Variants in SLC25A21 observed in about 807,000 individuals in gnomAD.
The protein encoded by SLC25A21 is mitochondrial 2-oxodicarboxylate carrier.
SLC25A21 carries 47 observed loss-of-function variants against 43.8 expected under a neutral mutation model. The ratio of observed to expected loss-of-function variants is 1.07; its 90% confidence interval spans 0.85 to 1.37. SLC25A21 has a LOEUF of 1.37. SLC25A21 is among the 40% of genes most tolerant of loss of function. SLC25A21 has a pLI of 0.00. For missense variants in SLC25A21, 352 were observed against 350.2 expected (o/e 1.00, Z -0.04); for synonymous variants, 131 against 121.3 (o/e 1.08, Z -0.52).
At chr14:37,147,457 A>G (rs1006751226) in intron 1 of SLC25A21, among the ~76,000 whole-genome samples, 1 of 152,008 alleles carries the variant, frequency 6.6e-6, no homozygotes, top group Non-Finnish European at 1.5e-5. Context: ...GTCAACGAGA[A>G]GCCACCACAC....
At chr14:36,739,134 T>C (rs1885154270) in intron 3 of SLC25A21, among the ~76,000 whole-genome samples, 1 of 152,220 alleles carries the variant, frequency 6.6e-6, no homozygotes, top group Non-Finnish European at 1.5e-5. Flanking sequence ...CAATACCTTA[T>C]CATTTCTTAT....
At chr14:36,785,323 CT>C (rs1302661121) in intron 3 of SLC25A21, among the ~76,000 whole-genome samples, 2 of 152,236 alleles carry the variant, frequency 1.3e-5, no homozygotes, top group African/African-American at 4.8e-5. Flanking sequence ...ACCAAACCAA[CT>C]AGCAAACAAA....
chr14:37,081,773 A>G (rs1245094426), intron 1 of SLC25A21, among the ~76,000 whole-genome samples: 3 of 152,230 alleles, frequency 2.0e-5, no homozygotes, highest in Non-Finnish European at 4.4e-5. Flanking sequence ...AGATGCTGCA[A>G]TAAAGACAAA....
At chr14:37,142,679 G>C (rs537244926) in intron 1 of SLC25A21, among the ~76,000 whole-genome samples, 2 of 152,308 alleles carry the variant, frequency 1.3e-5, no homozygotes, top group African/African-American at 4.8e-5. Flanking sequence ...GCAAGTCATA[G>C]TGTTCATGAA....
chr14:36,686,874 T>C (rs994965542), intron 7 of SLC25A21, among the ~76,000 whole-genome samples: 1 of 152,196 alleles, frequency 6.6e-6, no homozygotes, highest in African/African-American at 2.4e-5. Flanking sequence ...GCTTGAGACA[T>C]GGCATTGGAA....
At chr14:36,801,541 G>A (rs550441741) in intron 3 of SLC25A21, among the ~76,000 whole-genome samples, 1 of 152,260 alleles carries the variant, frequency 6.6e-6, no homozygotes, top group East Asian at 1.9e-4. Flanking sequence ...CTCAGGTCTT[G>A]TAGCCTCTCA....
intron 1 of SLC25A21, among the ~76,000 whole-genome samples, chr14:36,887,352 C>G (rs1266840231): frequency 6.6e-6 from 1 of 151,852 alleles, no homozygotes; most frequent in Non-Finnish European, 1.5e-5. Flanking sequence ...CATGGGAGCT[C>G]AGGAGTTTGA....
At chr14:36,924,785 T>C (rs1191678921) in intron 1 of SLC25A21, among the ~76,000 whole-genome samples, 1 of 152,214 alleles carries the variant, frequency 6.6e-6, no homozygotes, top group Admixed American at 6.5e-5. Flanking sequence ...TTACACTATT[T>C]ATATAGCATT....
intron 3 of SLC25A21, among the ~76,000 whole-genome samples, chr14:36,768,593 G>A (rs546644197): frequency 6.6e-6 from 1 of 152,218 alleles, no homozygotes; most frequent in African/African-American, 2.4e-5. Flanking sequence ...ATTGCTTTCA[G>A]CTGACTGAAA....
intron 1 of SLC25A21, among the ~76,000 whole-genome samples, chr14:36,998,244 TGTG>T (rs1960414090): frequency 6.6e-6 from 1 of 152,204 alleles, no homozygotes; most frequent in African/African-American, 2.4e-5. Flanking sequence ...GGATATAGAA[TGTG>T]GTGTTTCTTA....
chr14:36,887,328 C>T (rs200174316), intron 1 of SLC25A21, among the ~76,000 whole-genome samples: 4 of 151,546 alleles, frequency 2.6e-5, no homozygotes, highest in East Asian at 3.9e-4. Context: ...CTTGGGAGGC[C>T]GAGATGGGCA....
chr14:36,698,778 G>T (rs1883150677), intron 7 of SLC25A21, among the ~76,000 whole-genome samples: 1 of 152,026 alleles, frequency 6.6e-6, no homozygotes, highest in Non-Finnish European at 1.5e-5. Context: ...GTCATTTAAG[G>T]TCTTCTCTAC....
chr14:36,970,932 A>C (rs1054007953), intron 1 of SLC25A21, among the ~76,000 whole-genome samples: 1 of 152,180 alleles, frequency 6.6e-6, no homozygotes, highest in African/African-American at 2.4e-5. Flanking sequence ...ACATTTATAG[A>C]GTCTATGTTT....
intron 2 of SLC25A21, among the ~76,000 whole-genome samples, chr14:36,872,870 G>C (rs1326517482): frequency 6.6e-6 from 1 of 152,180 alleles, no homozygotes; most frequent in Non-Finnish European, 1.5e-5. Context: ...AGCTTTTGAA[G>C]TTCATTGTGA....
intron 1 of SLC25A21, among the ~76,000 whole-genome samples, chr14:37,169,219 T>C (rs1489465292): frequency 6.6e-6 from 1 of 152,132 alleles, no homozygotes; most frequent in Non-Finnish European, 1.5e-5. Context: ...TTTTGCTGTC[T>C]GTATAACTAA....
At chr14:37,163,816 C>CA (rs1202891694) in intron 1 of SLC25A21, among the ~76,000 whole-genome samples, 4 of 152,148 alleles carry the variant, frequency 2.6e-5, no homozygotes, top group Non-Finnish European at 4.4e-5. Flanking sequence ...ATCATTTATA[C>CA]AGTATTGTTG....
At chr14:37,067,168 T>G (rs1453225587) in intron 1 of SLC25A21, among the ~76,000 whole-genome samples, 1 of 152,146 alleles carries the variant, frequency 6.6e-6, no homozygotes, top group African/African-American at 2.4e-5. Context: ...TAACCATTTT[T>G]TAGAACTACT....
intron 3 of SLC25A21, among the ~76,000 whole-genome samples, chr14:36,774,781 T>C (rs150456155): frequency 1.8e-3 from 273 of 152,206 alleles, no homozygotes; most frequent in Non-Finnish European, 2.4e-3. Flanking sequence ...GCTCAGGCTG[T>C]AGAGACTCTT....
chr14:36,769,986 C>T (rs563020246), intron 3 of SLC25A21, among the ~76,000 whole-genome samples: 9 of 152,258 alleles, frequency 5.9e-5, no homozygotes, highest in East Asian at 1.9e-4. Context: ...TCTTTGAGAG[C>T]GGCAGCCACA....
Sources: gnomAD v4.1 joint callset for allele counts (sites outside exome capture counted in the v4.1 genomes callset) on GRCh38, gnomAD v4.1.1 for gene constraint, MANE v1.5 for transcripts, NCBI Gene and HGNC (gene_info 2026-07-23, HGNC 2026-07-21) for gene names.